Variants in ADARB2 observed in about 807,000 individuals in gnomAD.
ADARB2 encodes the protein inactive double-stranded RNA-specific editase B2.
Under a neutral mutation model 62.2 loss-of-function variants are expected in ADARB2, and 25 were observed. That is an observed-to-expected ratio of 0.40 (90% CI 0.29 to 0.56). The LOEUF is 0.56. Among genes scored for constraint, ADARB2 ranks in the 20% least tolerant of loss-of-function variants. ADARB2 has a pLI of 0.43. For missense variants in ADARB2, 1,071 were observed against 1,077.4 expected, an observed-to-expected ratio of 0.99 and a Z score of 0.08; for synonymous variants, 572 against 500.8, an observed-to-expected ratio of 1.14 and a Z score of -1.90.
chr10:1,261,462 AAAC>A (rs1311593350), intron 4 of ADARB2, among the ~76,000 whole-genome samples: 1 of 148,930 alleles, frequency 6.7e-6, no homozygotes, highest in East Asian at 1.9e-4. Context: ...TACAAGAAAA[AAAC>A]AACCCCATAA....
chr10:1,209,269 C>A (rs1837110043), intron 7 of ADARB2, among the ~76,000 whole-genome samples: 1 of 151,992 alleles, frequency 6.6e-6, no homozygotes. Context: ...ACACCCACAC[C>A]CATGCCCACG....
intron 1 of ADARB2, among the ~76,000 whole-genome samples, chr10:1,448,408 C>T (rs1359045700): frequency 1.3e-5 from 2 of 152,228 alleles, no homozygotes; most frequent in Non-Finnish European, 2.9e-5. Context: ...ACAGCTCCTT[C>T]TGTCACCTGT....
intron 1 of ADARB2, among the ~76,000 whole-genome samples, chr10:1,627,962 C>G (rs920436455): frequency 1.3e-5 from 2 of 152,208 alleles, no homozygotes; most frequent in Admixed American, 6.5e-5. Flanking sequence ...ACACTGCAGA[C>G]AGGTCTGCCC....
intron 1 of ADARB2, among the ~76,000 whole-genome samples, chr10:1,724,690 C>A (rs1273988311): frequency 6.6e-6 from 1 of 152,172 alleles, no homozygotes; most frequent in Non-Finnish European, 1.5e-5. Context: ...AAAAGAAGAA[C>A]CAGAGGAAAG....
At chr10:1,537,019 A>G (rs1182305387) in intron 1 of ADARB2, among the ~76,000 whole-genome samples, 1 of 152,256 alleles carries the variant, frequency 6.6e-6, no homozygotes, top group Non-Finnish European at 1.5e-5. Flanking sequence ...CTCAGAGTGA[A>G]CAGACAGCCT....
rs565893737 is a variant in ADARB2, at chr10:1,690,988, C to T, written c.100+46063G>A. Among the ~76,000 whole-genome samples, 392 of 152,312 alleles carry T rather than the reference C, an allele frequency of 2.6e-3. 3 individuals carry two copies. The highest frequency in any genetic ancestry group is 8.8e-3 in the African/African-American group (368 of 41,588). On this transcript the variant is annotated intron_variant, in intron 1 of 9. Transcript: ENST00000381312. ...AACCCCACGCTGTGCCCCTTTCCTT[C>T]TGGGTGCGGGTGACCCAACCCCTCT...
chr10:1,244,627 C>G (rs571456886), intron 4 of ADARB2, among the ~76,000 whole-genome samples: 66 of 152,340 alleles, frequency 4.3e-4, no homozygotes, highest in African/African-American at 1.5e-3. Context: ...GTTCCCAACA[C>G]AGGAGACGCG....
At chr10:1,627,611 A>C (rs141016592) in intron 1 of ADARB2, among the ~76,000 whole-genome samples, 1 of 152,278 alleles carries the variant, frequency 6.6e-6, no homozygotes, top group African/African-American at 2.4e-5. Context: ...CTAGATTTCT[A>C]ATGGAATTAA....
intron 1 of ADARB2, among the ~76,000 whole-genome samples, chr10:1,601,778 C>CA (rs151135394): frequency 0.028 from 4,209 of 152,304 alleles, 77 homozygotes; most frequent in Non-Finnish European, 0.042. Flanking sequence ...ATGCATCTTT[C>CA]AAAGAAATCT....
At chr10:1,626,327 C>T (rs1268999794) in intron 1 of ADARB2, among the ~76,000 whole-genome samples, 9 of 125,874 alleles carry the variant, frequency 7.2e-5, no homozygotes, top group African/African-American at 2.6e-4. Context: ...TCTGCCCATG[C>T]TCTCTCCTGC....
intron 4 of ADARB2, among the ~76,000 whole-genome samples, chr10:1,262,287 T>TATAATGATAATA (rs1831146931): frequency 7.4e-6 from 1 of 135,780 alleles, no homozygotes; most frequent in Non-Finnish European, 1.5e-5. Context: ...AAACTTAAAG[T>TATAATGATAATA]ATAATAATAA....
At chr10:1,682,456 A>G (rs1834550018) in intron 1 of ADARB2, among the ~76,000 whole-genome samples, 1 of 152,216 alleles carries the variant, frequency 6.6e-6, no homozygotes, top group Non-Finnish European at 1.5e-5. Context: ...TTAGAAACCA[A>G]CCAACCAAGC....
chr10:1,724,844 A>G (rs1200414201), intron 1 of ADARB2, among the ~76,000 whole-genome samples: 2 of 152,208 alleles, frequency 1.3e-5, no homozygotes, highest in East Asian at 3.8e-4. Flanking sequence ...GACAGCCACA[A>G]TGCCTGATGA....
In ADARB2 at chr10:1,736,856, C is replaced by T. The variant is rs542046843; in HGVS notation, c.100+195G>A. ...TGTCGCAGCGTGGCTGCTCACTGTC[C>T]CCTCTGGGCAAGAGGAGGCCCCAGA... On this transcript the variant is annotated intron_variant, in intron 1 of 9. Transcript: ENST00000381312. Among the ~76,000 whole-genome samples the T allele has an allele frequency of 1.5e-3, 229 of 152,316 alleles. 1 individual carries two copies. Among genetic ancestry groups the T allele is most frequent in the African/African-American group, 5.1e-3 (213 of 41,576 alleles).
intron 3 of ADARB2, among the ~76,000 whole-genome samples, chr10:1,288,358 A>G (rs1831432522): frequency 2.0e-5 from 3 of 152,364 alleles, no homozygotes; most frequent in Middle Eastern, 3.4e-3. Context: ...GGCAGCTGAC[A>G]TTTCTCAAGG....
intron 1 of ADARB2, among the ~76,000 whole-genome samples, chr10:1,388,184 C>A (rs1832540126): frequency 1.3e-5 from 2 of 152,050 alleles, no homozygotes; most frequent in South Asian, 4.1e-4. Context: ...ATACAAAACC[C>A]ATTCTTCATG....
At chr10:1,731,284 G>GCTTTT in intron 1 of ADARB2, among the ~76,000 whole-genome samples, 1 of 152,312 alleles carries the variant, frequency 6.6e-6, no homozygotes, top group African/African-American at 2.4e-5. Flanking sequence ...CAAGCAATCA[G>GCTTTT]ATAAAATAGC....
intron 1 of ADARB2, among the ~76,000 whole-genome samples, chr10:1,614,180 G>GTCA (rs1386380010): frequency 6.6e-6 from 1 of 152,058 alleles, no homozygotes; most frequent in Non-Finnish European, 1.5e-5. Context: ...TTGTACAGAT[G>GTCA]TCATCAACTT....
chr10:1,325,605 C>T (rs530790901), intron 3 of ADARB2, among the ~76,000 whole-genome samples: 8 of 152,286 alleles, frequency 5.3e-5, no homozygotes, highest in Middle Eastern at 3.4e-3. Context: ...GTATTCAAAA[C>T]GGGACAAGAC....
Sources: allele counts gnomAD v4.1 joint callset (sites outside exome capture counted in the v4.1 genomes callset), GRCh38; gene constraint gnomAD v4.1.1; transcripts MANE v1.5; gene names NCBI Gene and HGNC (gene_info 2026-07-23, HGNC 2026-07-21).